The following CCDC7 variants were observed in gnomAD, a reference collection of about 807,000 sequenced individuals.
The protein encoded by CCDC7 is coiled-coil domain-containing protein 7.
A neutral mutation model predicts 196.9 loss-of-function variants in CCDC7; 183 were observed. The ratio of observed to expected loss-of-function variants is 0.93; its 90% CI spans 0.82 to 1.05. CCDC7 has a LOEUF of 1.05. Ranked by LOEUF, CCDC7 falls within the 50% of genes least tolerant of loss-of-function variation. The pLI is 0.00. For missense variants in CCDC7, 1,540 were observed against 1,482.2 expected (o/e 1.04, Z -0.64); for synonymous variants, 525 against 484.6 (o/e 1.08, Z -1.10).
At chr10:32,497,728 C>G (rs966967727) in intron 9 of CCDC7, among the ~76,000 whole-genome samples, 2 of 152,112 alleles carry the variant, frequency 1.3e-5, no homozygotes, top group Non-Finnish European at 2.9e-5. Context: ...ATCCTGAGTT[C>G]TAGTTTGATT....
intron 28 of CCDC7, among the ~76,000 whole-genome samples, chr10:32,752,413 C>T (rs1387838638): frequency 6.6e-6 from 1 of 152,108 alleles, no homozygotes; most frequent in Admixed American, 6.6e-5. Context: ...GATTACCTGG[C>T]GAATTCCATT....
At chr10:32,787,698 C>A (rs895694394) in intron 29 of CCDC7, among the ~76,000 whole-genome samples, 4 of 152,188 alleles carry the variant, frequency 2.6e-5, no homozygotes, top group African/African-American at 9.7e-5. Context: ...AAGCCCACCC[C>A]AATGCCAGGC....
At chr10:32,679,301 G>A (rs1017235404) in intron 21 of CCDC7, among the ~76,000 whole-genome samples, 23 of 152,066 alleles carry the variant, frequency 1.5e-4, no homozygotes, top group African/African-American at 5.6e-4. Context: ...CTGACCTGTG[G>A]CAGTGTCCTT....
Position 32,638,427 on chromosome 10 carries a change from G to GT in CCDC7, c.2014+3274dup, listed in dbSNP as rs566105837. ...CCCATCAATACCTAATGTATTGAGA[G>GT]TTTTTAGCATGAAGGTTGTTGAATT... On this transcript the variant is annotated intron_variant, in intron 20 of 41. Transcript: ENST00000639629. 1.6e-3 allele frequency among the ~76,000 whole-genome samples: 247 copies of GT among 152,308 alleles called. 2 individuals carry two copies. The Middle Eastern group carries it at 0.031, about 19-fold the overall frequency.
chr10:32,539,627 A>C (rs559512955), intron 11 of CCDC7, among the ~76,000 whole-genome samples: 2 of 152,124 alleles, frequency 1.3e-5, no homozygotes, highest in East Asian at 3.9e-4. Flanking sequence ...AGATCTTTCT[A>C]ACTTTTTCAT....
chr10:32,609,324 C>T (rs2061849775), intron 18 of CCDC7, among the ~76,000 whole-genome samples: 1 of 151,430 alleles, frequency 6.6e-6, no homozygotes, highest in Admixed American at 6.6e-5. Flanking sequence ...ATTGTTATAT[C>T]CTCTGGCTGA....
intron 28 of CCDC7, among the ~76,000 whole-genome samples, chr10:32,732,444 C>T (rs2504338): frequency 0.92 from 140,559 of 152,190 alleles, 65,892 homozygotes; most frequent in East Asian, 1. Flanking sequence ...GTTGATTAAT[C>T]ATATTTTTCA....
intron 18 of CCDC7, among the ~76,000 whole-genome samples, chr10:32,621,286 T>C (rs1442246638): frequency 6.6e-6 from 1 of 152,216 alleles, no homozygotes; most frequent in African/African-American, 2.4e-5. Flanking sequence ...CCGCTGTCTC[T>C]TCTTTATACC....
intron 9 of CCDC7, among the ~76,000 whole-genome samples, chr10:32,506,938 C>A (rs567190614): frequency 6.6e-6 from 1 of 152,306 alleles, no homozygotes; most frequent in African/African-American, 2.4e-5. Context: ...CTTAAAATCT[C>A]TCTTCTTATA....
chr10:32,796,304 T>G (rs1047371320), intron 29 of CCDC7, among the ~76,000 whole-genome samples: 1 of 152,166 alleles, frequency 6.6e-6, no homozygotes, highest in Non-Finnish European at 1.5e-5. Flanking sequence ...ATTGCTTCTA[T>G]GCCAACATTT....
At chr10:32,877,716 A>G (rs983961657), downstream of CCDC7, among the ~76,000 whole-genome samples, 1 of 152,152 alleles carries the variant, frequency 6.6e-6, no homozygotes, top group Admixed American at 6.6e-5. Flanking sequence ...ATTTGATTAA[A>G]TGAGGTAATG....
intron 18 of CCDC7, among the ~76,000 whole-genome samples, chr10:32,615,721 G>C (rs1385124809): frequency 6.6e-6 from 1 of 151,782 alleles, no homozygotes; most frequent in East Asian, 1.9e-4. Context: ...CATTTGCTTT[G>C]AGGACTTGTT....
intron 13 of CCDC7, among the ~76,000 whole-genome samples, chr10:32,562,049 A>G (rs1212701077): frequency 1.3e-5 from 2 of 152,252 alleles, no homozygotes; most frequent in East Asian, 1.9e-4. Context: ...TAGAAAATCT[A>G]GAAGAAATGG....
chr10:32,565,850 A>G (rs566659271), intron 14 of CCDC7, among the ~76,000 whole-genome samples: 1 of 152,342 alleles, frequency 6.6e-6, no homozygotes, highest in South Asian at 2.1e-4. Context: ...TCTTAAGCTA[A>G]TAAAGGCAAT....
chr10:32,827,966 A>G (rs1382887411), intron 32 of CCDC7, among the ~76,000 whole-genome samples: 5 of 152,138 alleles, frequency 3.3e-5, no homozygotes, highest in African/African-American at 1.2e-4. Context: ...TTAAGTCCTG[A>G]AAAGAGACAT....
intron 39 of CCDC7, among the ~76,000 whole-genome samples, chr10:32,849,701 C>CAAAAAAAAAAA (rs34677799): frequency 1.2e-5 from 1 of 80,818 alleles, no homozygotes; most frequent in Non-Finnish European, 2.3e-5. Context: ...GACTCCGTCT[C>CAAAAAAAAAAA]AAAAAAAAAA....
intron 40 of CCDC7, among the ~76,000 whole-genome samples, chr10:32,853,963 G>C (rs2093658860): frequency 1.3e-5 from 2 of 152,068 alleles, no homozygotes; most frequent in Non-Finnish European, 2.9e-5. Flanking sequence ...TGAGGTTTGG[G>C]ATATGACTGG....
At chr10:32,460,508 T>C (rs1382034890) in intron 3 of CCDC7, among the ~76,000 whole-genome samples, 7 of 152,210 alleles carry the variant, frequency 4.6e-5, no homozygotes, top group Admixed American at 4.6e-4. Flanking sequence ...TGAATTGATA[T>C]ACGCTAAAGT....
intron 29 of CCDC7, among the ~76,000 whole-genome samples, chr10:32,799,679 A>G (rs1467923385): frequency 6.6e-6 from 1 of 152,206 alleles, no homozygotes; most frequent in Non-Finnish European, 1.5e-5. Flanking sequence ...TTACTGAGGT[A>G]AAAGGTCCCT....
Sources: gnomAD v4.1 joint callset for allele counts (sites outside exome capture counted in the v4.1 genomes callset) on GRCh38, gnomAD v4.1.1 for gene constraint, MANE v1.5 for transcripts, NCBI Gene and HGNC (gene_info 2026-07-23, HGNC 2026-07-21) for gene names.